Variants in CLIC5 observed in about 807,000 individuals in gnomAD.
The protein encoded by CLIC5 is CLIC family member 5.
In CLIC5, 20 loss-of-function variants were observed where a neutral mutation model predicts 24.7. That is an observed-to-expected ratio of 0.81 (90% CI 0.57 to 1.18). The LOEUF (loss-of-function observed/expected upper bound fraction) is 1.18. Ranked by LOEUF, CLIC5 falls within the 50% of genes most tolerant of loss-of-function variation. CLIC5 has a pLI of 0.00. For missense variants in CLIC5, 341 were observed against 326.1 expected (o/e 1.05, Z -0.35); for synonymous variants, 159 against 135.6 (o/e 1.17, Z -1.20).
At chr6:45,912,478 A>G in intron 5 of CLIC5, 1 of 1,296,574 alleles carries the variant, frequency 7.7e-7, no homozygotes. Flanking sequence ...AGTGGTAGTG[A>G]ATACATGTTT....
chr6:45,891,413 G>A (rs1762345815), intron 6 of CLIC5, among the ~76,000 whole-genome samples: 2 of 152,120 alleles, frequency 1.3e-5, no homozygotes, highest in Admixed American at 1.3e-4. Context: ...CAAGGTGGGT[G>A]GATCATGAGG....
rs1466199133 is a variant in CLIC5, at chr6:45,913,800, T to A, written c.588+428A>T. ...CACCTTAGGAAGTTGCTGGAGGAAG[T>A]GAGAAGGTGGGTCTGTGCACAAAGA... is the stretch of plus-strand genomic sequence containing the variant. On this transcript the variant is annotated intron_variant, in intron 5 of 5. Transcript: ENST00000339561. 49 of 1,231,188 alleles carry A rather than the reference T, an allele frequency of 4.0e-5. No individual in the cohort carries two copies. The East Asian group carries it at 1.5e-3, about 38-fold the overall frequency. 76.3% of individuals were successfully genotyped at this position (1,231,188 alleles called of 1,614,324 possible). A position where few individuals can be genotyped will look rare whatever the true frequency, so the allele number is the denominator to read the frequency against.
At chr6:45,950,937 T>G (rs762284221) in intron 2 of CLIC5, among the ~76,000 whole-genome samples, 14 of 152,196 alleles carry the variant, frequency 9.2e-5, no homozygotes, top group Admixed American at 2.0e-4. Context: ...AAATTGTGCC[T>G]ATTTTTAAAA....
intron 1 of CLIC5, among the ~76,000 whole-genome samples, chr6:45,966,962 T>A (rs1765035184): frequency 6.6e-6 from 1 of 152,156 alleles, no homozygotes; most frequent in South Asian, 2.1e-4. Flanking sequence ...GGTGACAGAG[T>A]GTGCTGTGAC....
chr6:45,954,559 A>G (rs1466873687), intron 2 of CLIC5, among the ~76,000 whole-genome samples: 7 of 152,228 alleles, frequency 4.6e-5, no homozygotes, highest in Non-Finnish European at 2.9e-5. Context: ...AACAACAGGT[A>G]GAAGACAGGA....
chr6:45,919,907 A>G (rs1022149359), intron 4 of CLIC5, among the ~76,000 whole-genome samples: 3 of 152,194 alleles, frequency 2.0e-5, no homozygotes, highest in Non-Finnish European at 4.4e-5. Context: ...TGTTCAATCG[A>G]TTAGCTCTAT....
downstream of CLIC5, among the ~76,000 whole-genome samples, chr6:45,894,114 C>A (rs1561912580): frequency 6.6e-6 from 1 of 152,144 alleles, no homozygotes; most frequent in Non-Finnish European, 1.5e-5. Context: ...TGGGAAAGAT[C>A]TTCAACACAT....
chr6:45,894,944 GA>G (rs1762381095), downstream of CLIC5, among the ~76,000 whole-genome samples: 1 of 152,088 alleles, frequency 6.6e-6, no homozygotes, highest in Non-Finnish European at 1.5e-5. Context: ...CATAGAAACA[GA>G]AAAATATATT....
At chr6:45,958,421 A>ATT (rs200921503) in intron 1 of CLIC5, among the ~76,000 whole-genome samples, 58,414 of 72,540 alleles carry the variant, frequency 0.81, 23,911 homozygotes, top group Non-Finnish European at 0.87. Flanking sequence ...CAAAAAGACA[A>ATT]TTATATATAT....
At chr6:46,051,769 C>T (rs12528380) in intron 1 of CLIC5, among the ~76,000 whole-genome samples, 29,762 of 152,020 alleles carry the variant, frequency 0.2, 3,113 homozygotes, top group South Asian at 0.35. Context: ...CTCAAAACTA[C>T]CTCATAAAAT....
intron 5 of CLIC5, chr6:45,911,689 A>T (rs1175303742): frequency 1.8e-5 from 18 of 985,266 alleles, no homozygotes; most frequent in Non-Finnish European, 2.0e-5. Context: ...ATACAGCAGA[A>T]ATGCAATTTG....
In CLIC5 at chr6:45,957,966, G is replaced by A. The variant is rs181171670; in HGVS notation, c.64-2722C>T. Among the ~76,000 whole-genome samples, 3 of 152,154 alleles carry A rather than the reference G, an allele frequency of 2.0e-5. No homozygotes were observed. The East Asian group carries it at 5.8e-4, about 30-fold the overall frequency. On this transcript the variant is annotated intron_variant, in intron 1 of 5. Coordinates refer to ENST00000339561, the MANE Select transcript of CLIC5 (RefSeq NM_016929.5). ...TTCCAGAGAGATTTTGAGCACTGGG[G>A]GCCAGGGACCGGCACAAAAACAGTG...
intron 1 of CLIC5, among the ~76,000 whole-genome samples, chr6:46,041,478 C>T (rs976262269): frequency 2.0e-5 from 3 of 152,184 alleles, no homozygotes; most frequent in Non-Finnish European, 4.4e-5. Context: ...TCCTTAGAGT[C>T]TGTTTACAGC....
At chr6:46,125,862 A>C in the CLIC5 span, among the ~76,000 whole-genome samples, 6 of 152,148 alleles carry the variant, frequency 3.9e-5, no homozygotes, top group African/African-American at 1.4e-4. Flanking sequence ...CCTATTTAGC[A>C]ATTGTTGCTG....
At chr6:45,956,652 A>G (rs968853778) in intron 1 of CLIC5, among the ~76,000 whole-genome samples, 6 of 152,180 alleles carry the variant, frequency 3.9e-5, no homozygotes, top group African/African-American at 1.4e-4. Context: ...TGCTCCCAGC[A>G]GGGGCTCAGG....
chr6:46,077,119 A>AC (rs1354894290), intron 1 of CLIC5, among the ~76,000 whole-genome samples: 1 of 151,992 alleles, frequency 6.6e-6, no homozygotes, highest in Non-Finnish European at 1.5e-5. Context: ...GGGAGACGAG[A>AC]CTTTTTTTTT....
intron 4 of CLIC5, among the ~76,000 whole-genome samples, chr6:45,921,262 G>A (rs562664913): frequency 6.6e-6 from 1 of 152,292 alleles, no homozygotes; most frequent in African/African-American, 2.4e-5. Flanking sequence ...GGTTTTAGAA[G>A]ATGGGAAGGG....
At chr6:46,002,043 G>C (rs1310758491) in intron 1 of CLIC5, among the ~76,000 whole-genome samples, 1 of 152,074 alleles carries the variant, frequency 6.6e-6, no homozygotes, top group Non-Finnish European at 1.5e-5. Context: ...ATCAGCAGCA[G>C]CTTTATTCTC....
chr6:45,966,220 G>A (rs989969002), intron 1 of CLIC5, among the ~76,000 whole-genome samples: 7 of 152,146 alleles, frequency 4.6e-5, no homozygotes, highest in Admixed American at 6.5e-5. Context: ...TTAGGGTCAT[G>A]TACATCTGAG....
Sources: allele counts gnomAD v4.1 joint callset (sites outside exome capture counted in the v4.1 genomes callset), GRCh38; gene constraint gnomAD v4.1.1; transcripts MANE v1.5; gene names NCBI Gene and HGNC (gene_info 2026-07-23, HGNC 2026-07-21).